The following EMSY variants were observed in gnomAD, a reference collection of about 807,000 sequenced individuals.
EMSY encodes the protein EMSY transcriptional repressor, BRCA2 interacting.
EMSY carries 26 observed loss-of-function variants against 134.6 expected under a neutral mutation model. The observed-to-expected ratio is 0.19, with a 90% CI of 0.14 to 0.27. The LOEUF (loss-of-function observed/expected upper bound fraction) is 0.27, where lower values mean the gene tolerates loss of function less well. Ranked by LOEUF, EMSY falls within the 10% of genes least tolerant of loss-of-function variation. EMSY has a pLI of 1.00. For missense variants in EMSY, 1,305 were observed against 1,611.4 expected, an observed-to-expected ratio of 0.81 and a Z score of 3.26; for synonymous variants, 579 against 577.8, an observed-to-expected ratio of 1.00 and a Z score of -0.03.
rs530680307 is a variant in EMSY at position 76,472,858 on chromosome 11, A to G, written c.1108+18A>G. The G allele has an allele frequency of 1.7e-5, 27 of 1,607,520 alleles. No individual in the cohort carries two copies. The highest frequency in any genetic ancestry group is 8.3e-5 in the Admixed American group (5 of 59,886). On this transcript the variant is annotated intron_variant, in intron 8 of 20. Transcript: ENST00000334736. Reference sequence around the variant, plus strand: ...AGCACAAGGTGAGTGCTGTTTCACAATTTAATTCTGTCACAGTTGCTATAT... The same window carrying G: ...AGCACAAGGTGAGTGCTGTTTCACAGTTTAATTCTGTCACAGTTGCTATAT...
chr11:76,448,923 A>G (rs894863851), intron 2 of EMSY, among the ~76,000 whole-genome samples: 2 of 152,188 alleles, frequency 1.3e-5, no homozygotes, highest in African/African-American at 2.4e-5. Context: ...ATTTCTTTAT[A>G]TATACTGAAT....
Position 76,446,267 on chromosome 11 carries a change from G to T in EMSY, c.-39-633G>T, listed in dbSNP as rs568821038. ...GTAAATGGCTGTTTAATAACTACAGGATCAAAATTCATATTCCATTAAGAC... is the reference window on the plus strand; with the variant it reads ...GTAAATGGCTGTTTAATAACTACAGTATCAAAATTCATATTCCATTAAGAC... On this transcript the variant is annotated intron_variant, in intron 1 of 20. Coordinates refer to ENST00000334736, the Ensembl canonical transcript of EMSY. Among the ~76,000 whole-genome samples, 163 of 150,106 alleles carry T rather than the reference G, an allele frequency of 1.1e-3. 1 individual carries two copies. The highest frequency in any genetic ancestry group is 2.0e-3 in the Non-Finnish European group (137 of 67,812).
intron 1 of EMSY, among the ~76,000 whole-genome samples, chr11:76,445,359 G>T (rs1001339323): frequency 3.3e-5 from 5 of 152,124 alleles, no homozygotes; most frequent in African/African-American, 1.2e-4. Context: ...AGGTCGTCTG[G>T]CTGGGTATCC....
At chr11:76,518,703 A>ATATATTTTT (rs57143914) in intron 11 of EMSY, among the ~76,000 whole-genome samples, 12 of 130,196 alleles carry the variant, frequency 9.2e-5, no homozygotes, top group African/African-American at 2.6e-4. Context: ...ATATATATAT[A>ATATATTTTT]TTTTTTTTTT....
At chr11:76,485,326 C>T (rs1949136243) in intron 8 of EMSY, among the ~76,000 whole-genome samples, 1 of 152,150 alleles carries the variant, frequency 6.6e-6, no homozygotes, top group Non-Finnish European at 1.5e-5. Context: ...AATCCAGCAG[C>T]ACATCAAAAA....
intron 7 of EMSY, among the ~76,000 whole-genome samples, chr11:76,469,510 C>T (rs1948491678): frequency 6.6e-6 from 1 of 152,150 alleles, no homozygotes; most frequent in Non-Finnish European, 1.5e-5. Context: ...AATGCATTTT[C>T]AGATTGATTT....
At chr11:76,510,467 A>G (rs1950233784) in intron 9 of EMSY, among the ~76,000 whole-genome samples, 1 of 152,230 alleles carries the variant, frequency 6.6e-6, no homozygotes, top group South Asian at 2.1e-4. Flanking sequence ...GGTAAGTGAC[A>G]GACTTCTCTG....
chr11:76,524,859 A>G (rs115490715), intron 12 of EMSY, among the ~76,000 whole-genome samples: 390 of 152,322 alleles, frequency 2.6e-3, no homozygotes, highest in African/African-American at 9.0e-3. Flanking sequence ...CTCCGTATCT[A>G]CAAAATTACA....
chr11:76,454,433 G>T (rs551584845), intron 4 of EMSY, among the ~76,000 whole-genome samples: 1 of 151,970 alleles, frequency 6.6e-6, no homozygotes, highest in Non-Finnish European at 1.5e-5. Flanking sequence ...TAGTTGCTAG[G>T]CTAACATGGT....
exon 6 of EMSY, chr11:76,460,065 G>A: frequency 6.2e-7 from 1 of 1,614,168 alleles, no homozygotes; most frequent in Non-Finnish European, 8.5e-7. Flanking sequence ...TTGCCAAGTG[G>A]AAGTACTGTT....
At chr11:76,538,851 G>A (rs1348459770) in intron 16 of EMSY, among the ~76,000 whole-genome samples, 2 of 152,118 alleles carry the variant, frequency 1.3e-5, no homozygotes, top group South Asian at 2.1e-4. Flanking sequence ...CCAGCTACTC[G>A]GGAGGCTGAG....
chr11:76,494,284 A>G (rs182105916), intron 8 of EMSY, among the ~76,000 whole-genome samples: 3 of 152,336 alleles, frequency 2.0e-5, no homozygotes. Context: ...CCGGCCACAG[A>G]CGTTTCTGGC....
At chr11:76,477,601 G>C (rs1590841954) in intron 8 of EMSY, among the ~76,000 whole-genome samples, 1 of 152,144 alleles carries the variant, frequency 6.6e-6, no homozygotes, top group East Asian at 1.9e-4. Context: ...TTTTTAATTT[G>C]GTGGTTATAA....
chr11:76,508,246 T>C (rs1020624888), intron 9 of EMSY, among the ~76,000 whole-genome samples: 1 of 152,188 alleles, frequency 6.6e-6, no homozygotes, highest in African/African-American at 2.4e-5. Flanking sequence ...GATGTTATGT[T>C]AGCAGGCATG....
At chr11:76,542,623 A>C (rs1268983932) in intron 18 of EMSY, among the ~76,000 whole-genome samples, 1 of 152,186 alleles carries the variant, frequency 6.6e-6, no homozygotes, top group East Asian at 1.9e-4. Flanking sequence ...TGACATCAGA[A>C]TTGGTCACTG....
At chr11:76,489,091 C>G (rs769825533) in intron 8 of EMSY, among the ~76,000 whole-genome samples, 1 of 152,176 alleles carries the variant, frequency 6.6e-6, no homozygotes, top group Non-Finnish European at 1.5e-5. Flanking sequence ...TTAGGGCCAG[C>G]CCTCTGAAAG....
At chr11:76,511,008 C>G (rs1950256476) in intron 9 of EMSY, among the ~76,000 whole-genome samples, 1 of 152,122 alleles carries the variant, frequency 6.6e-6, no homozygotes, top group Non-Finnish European at 1.5e-5. Flanking sequence ...TGGACCCTTT[C>G]AATGGTGGTT....
intron 9 of EMSY, 154 bp downstream of exon 10, chr11:76,496,623 A>G: frequency 1.2e-6 from 1 of 861,224 alleles, no homozygotes; most frequent in Non-Finnish European, 1.9e-6. Context: ...GATTCTGTAT[A>G]TGTTTTGTTA....
At chr11:76,495,086 C>G (rs1391061295) in intron 8 of EMSY, among the ~76,000 whole-genome samples, 1 of 152,186 alleles carries the variant, frequency 6.6e-6, no homozygotes, top group African/African-American at 2.4e-5. Context: ...ATCTGCACAA[C>G]AGCTCTTAGA....
Sources: allele counts gnomAD v4.1 joint callset (sites outside exome capture counted in the v4.1 genomes callset), GRCh38; gene constraint gnomAD v4.1.1; transcripts MANE v1.5; gene names NCBI Gene and HGNC (gene_info 2026-07-23, HGNC 2026-07-21).